CALN1: variants seen among roughly 807,000 people sequenced by gnomAD.
CALN1 encodes calcium-binding protein 8.
CALN1 carries 17 observed loss-of-function variants against 30.6 expected under a neutral mutation model. The observed-to-expected ratio is 0.56, with a 90% CI of 0.38 to 0.83. The LOEUF is 0.83. Ranked by LOEUF, CALN1 falls within the 40% of genes least tolerant of loss-of-function variation. CALN1 has a pLI of 0.00. For missense variants in CALN1, 291 were observed against 354.9 expected, an observed-to-expected ratio of 0.82 and a Z score of 1.45; for synonymous variants, 156 against 131.4, an observed-to-expected ratio of 1.19 and a Z score of -1.28.
intron 3 of CALN1, among the ~76,000 whole-genome samples, chr7:72,249,343 A>G (rs1795392040): frequency 6.6e-6 from 1 of 152,206 alleles, no homozygotes; most frequent in African/African-American, 2.4e-5. Flanking sequence ...ACCACCAGGA[A>G]GCCAGGCAAG....
At chr7:72,054,416 T>TAC (rs1554425349) in intron 4 of CALN1, among the ~76,000 whole-genome samples, 1 of 49,326 alleles carries the variant, frequency 2.0e-5, no homozygotes, top group Non-Finnish European at 3.8e-5. Flanking sequence ...TATATATATA[T>TAC]ACGTGTATAT....
chr7:72,410,917 T>G (rs1434400676), intron 1 of CALN1, among the ~76,000 whole-genome samples: 1 of 152,090 alleles, frequency 6.6e-6, no homozygotes, highest in Admixed American at 6.6e-5. Context: ...TTAACCAACA[T>G]GATTAGACAA....
intron 5 of CALN1, among the ~76,000 whole-genome samples, chr7:71,927,240 C>CA (rs971549172): frequency 6.6e-6 from 1 of 152,146 alleles, no homozygotes; most frequent in Non-Finnish European, 1.5e-5. Context: ...GACAGAGTCT[C>CA]ACTCTGTTGC....
intron 3 of CALN1, among the ~76,000 whole-genome samples, chr7:72,213,520 G>C (rs961914778): frequency 1.3e-5 from 2 of 152,178 alleles, no homozygotes; most frequent in Non-Finnish European, 2.9e-5. Flanking sequence ...GGATTTCGGT[G>C]AGGGATGCGC....
intron 2 of CALN1, among the ~76,000 whole-genome samples, chr7:72,375,147 G>C (rs1804482419): frequency 6.6e-6 from 1 of 152,240 alleles, no homozygotes; most frequent in South Asian, 2.1e-4. Context: ...AACACGCATT[G>C]TCTTGTAGTT....
intron 5 of CALN1, among the ~76,000 whole-genome samples, chr7:71,916,410 G>T (rs191199791): frequency 1.3e-5 from 2 of 152,038 alleles, no homozygotes; most frequent in African/African-American, 4.8e-5. Flanking sequence ...CAAAGAGTGG[G>T]CAGAGGAGAA....
At chr7:72,310,756 A>G (rs909604805) in intron 2 of CALN1, among the ~76,000 whole-genome samples, 5 of 151,764 alleles carry the variant, frequency 3.3e-5, no homozygotes, top group African/African-American at 7.3e-5. Flanking sequence ...ATACAAAATT[A>G]GCCGGGCATG....
At chr7:71,996,528 C>T (rs146979977) in intron 5 of CALN1, among the ~76,000 whole-genome samples, 74 of 152,310 alleles carry the variant, frequency 4.9e-4, no homozygotes, top group African/African-American at 1.7e-3. Flanking sequence ...TAATGGCTTC[C>T]AGCTCCAGCT....
chr7:72,153,183 C>T (rs902143117), intron 3 of CALN1, among the ~76,000 whole-genome samples: 6 of 152,162 alleles, frequency 3.9e-5, no homozygotes, highest in Non-Finnish European at 8.8e-5. Flanking sequence ...CCTCTAACAC[C>T]CCTTGGCTGC....
rs145234450 is a variant in CALN1, at chr7:72,095,758, C to T, written c.388+10393G>A. 1.8e-3 allele frequency among the ~76,000 whole-genome samples: 277 copies of T among 152,272 alleles called. 2 individuals carry two copies. Among genetic ancestry groups the T allele is most frequent in the Middle Eastern group, 6.8e-3 (2 of 294 alleles). Reference sequence around the variant, plus strand: ...GGTAAAAGGAAAATTCTGGGCCAAGCCTGGTAGCTCACGCCAGTAACCCAA... The same window carrying T: ...GGTAAAAGGAAAATTCTGGGCCAAGTCTGGTAGCTCACGCCAGTAACCCAA... On this transcript the variant is annotated intron_variant, in intron 4 of 6. Coordinates refer to ENST00000395275, the MANE Select transcript of CALN1 (RefSeq NM_031468.4).
chr7:72,061,962 G>A (rs943796742), intron 4 of CALN1, among the ~76,000 whole-genome samples: 1 of 151,964 alleles, frequency 6.6e-6, no homozygotes, highest in Admixed American at 6.6e-5. Flanking sequence ...AATAAATGAC[G>A]CATTACCAAC....
intron 2 of CALN1, among the ~76,000 whole-genome samples, chr7:72,299,887 TTTTG>T (rs1378882676): frequency 5.9e-5 from 9 of 151,766 alleles, no homozygotes; most frequent in Non-Finnish European, 1.2e-4. Flanking sequence ...TTTTGTTTTG[TTTTG>T]TTTTTTTGTT....
At chr7:72,245,618 C>CTAAATAAA (rs36174609) in intron 3 of CALN1, among the ~76,000 whole-genome samples, 5,049 of 143,374 alleles carry the variant, frequency 0.035, 109 homozygotes, top group African/African-American at 0.051. Flanking sequence ...AACTCCATCT[C>CTAAATAAA]TAAATAAATA....
intron 2 of CALN1, among the ~76,000 whole-genome samples, chr7:72,307,719 T>C (rs2944835): frequency 0.21 from 31,858 of 152,084 alleles, 4,421 homozygotes; most frequent in Middle Eastern, 0.33. Flanking sequence ...GACTTCCCAA[T>C]GCAGACACAG....
intron 2 of CALN1, among the ~76,000 whole-genome samples, chr7:72,373,379 C>G (rs1170148776): frequency 6.6e-6 from 1 of 152,142 alleles, no homozygotes; most frequent in African/African-American, 2.4e-5. Flanking sequence ...TTGCAAAATG[C>G]AGACAGTCTC....
At chr7:72,239,085 C>T (rs1273226555) in intron 3 of CALN1, among the ~76,000 whole-genome samples, 1 of 152,166 alleles carries the variant, frequency 6.6e-6, no homozygotes, top group Non-Finnish European at 1.5e-5. Flanking sequence ...AAAATACCTC[C>T]TGGTGCTTTC....
chr7:72,273,795 G>C (rs1250802918), intron 3 of CALN1, among the ~76,000 whole-genome samples: 1 of 152,034 alleles, frequency 6.6e-6, no homozygotes, highest in Non-Finnish European at 1.5e-5. Context: ...ACATAGGCAT[G>C]AGCCACTGTG....
chr7:72,222,588 T>C (rs1793387885), intron 3 of CALN1, among the ~76,000 whole-genome samples: 1 of 152,138 alleles, frequency 6.6e-6, no homozygotes, highest in South Asian at 2.1e-4. Context: ...CAATTGAACA[T>C]GAGATTTGGG....
At chr7:72,104,724 C>T (rs1051063122) in intron 4 of CALN1, among the ~76,000 whole-genome samples, 3 of 152,018 alleles carry the variant, frequency 2.0e-5, no homozygotes, top group Admixed American at 2.0e-4. Context: ...TTTGGGAGGC[C>T]GAGGTGGGCA....
Sources: gnomAD v4.1 joint callset for allele counts (sites outside exome capture counted in the v4.1 genomes callset) on GRCh38, gnomAD v4.1.1 for gene constraint, MANE v1.5 for transcripts, NCBI Gene and HGNC (gene_info 2026-07-23, HGNC 2026-07-21) for gene names.